Variants in ATP2C2 observed in about 807,000 individuals in gnomAD.
ATP2C2 encodes ATPase secretory pathway Ca2+ transporting 2.
ATP2C2 carries 171 observed loss-of-function variants against 110.8 expected under a neutral mutation model. The ratio of observed to expected loss-of-function variants is 1.54; its 90% CI spans 1.36 to 1.75. ATP2C2 has a LOEUF of 1.75. Ranked by LOEUF, ATP2C2 falls within the 40% of genes most tolerant of loss-of-function variation. ATP2C2 has a pLI of 0.00. For missense variants in ATP2C2, 1,963 were observed against 1,235.0 expected (o/e 1.59, Z -8.84); for synonymous variants, 804 against 508.4 (o/e 1.58, Z -7.82).
intron 6 of ATP2C2, among the ~76,000 whole-genome samples, chr16:84,413,313 C>T (rs1004083703): frequency 3.3e-5 from 5 of 152,104 alleles, no homozygotes; most frequent in South Asian, 4.1e-4. Flanking sequence ...TAGTGAGATA[C>T]GGTCCCGCGT....
rs141008672 is a variant in ATP2C2 at position 84,422,262 on chromosome 16, A to G, written c.625-128A>G. On this transcript the variant is annotated intron_variant, in intron 7 of 26. Transcript: ENST00000262429. ...AGGCCTCAGAGGCCGTCGTTGTGAC[A>G]CTCATTCTGTAGGTTCACTGTGTTC... 9,927 of 1,139,306 alleles carry G rather than the reference A, an allele frequency of 8.7e-3. 54 individuals are homozygous for G. The highest frequency in any genetic ancestry group is 0.011 in the Non-Finnish European group (8,551 of 809,944). 70.6% of individuals were successfully genotyped at this position (1,139,306 alleles called of 1,614,324 possible).
At chr16:84,450,502 G>A (rs1361513512) in intron 17 of ATP2C2, among the ~76,000 whole-genome samples, 1 of 152,136 alleles carries the variant, frequency 6.6e-6, no homozygotes, top group East Asian at 1.9e-4. Context: ...ATCCTCTTGG[G>A]ATAGAGCGCT....
At chr16:84,376,626 G>T (rs1157725656) in intron 1 of ATP2C2, among the ~76,000 whole-genome samples, 1 of 152,038 alleles carries the variant, frequency 6.6e-6, no homozygotes, top group African/African-American at 2.4e-5. Context: ...GTGGCCCAGG[G>T]AAGCCAAAAG....
intron 1 of ATP2C2, among the ~76,000 whole-genome samples, chr16:84,371,581 C>G (rs1909956678): frequency 6.6e-6 from 1 of 152,232 alleles, no homozygotes; most frequent in South Asian, 2.1e-4. Context: ...CACTGCTGAC[C>G]TGAACATTAG....
rs748858994 is a variant in ATP2C2 at position 84,463,681 on chromosome 16, A to C, written c.2790A>C (p.Glu930Asp). ...FILSELLKLC[E>D]KYCCSPKRVQ... ...TGTCAGAGCTCCTCAAACTATGTGA[A>C]AAATACTGTTGCAGCCCCAAGAGAG... is the stretch of plus-strand genomic sequence containing the variant. Residue 930 changes from glutamate to aspartate, a missense_variant, in exon 27 of 27, where the codon GAA (glutamate) becomes GAC (aspartate). By Grantham distance (45) the Glu-to-Asp change is conservative. Transcript: ENST00000262429. 1 of 1,614,176 alleles carries C rather than the reference A, an allele frequency of 6.2e-7. No individual in the cohort carries two copies. Among genetic ancestry groups the C allele is most frequent in the South Asian group, 1.1e-5 (1 of 91,082 alleles).
intron 4 of ATP2C2, among the ~76,000 whole-genome samples, 190 bp downstream of exon 4, chr16:84,408,684 C>T (rs1267119345): frequency 6.6e-6 from 1 of 151,990 alleles, no homozygotes; most frequent in Non-Finnish European, 1.5e-5. Flanking sequence ...TTTATTCGGC[C>T]ACTGCTTGCT....
chr16:84,422,040 G>A (rs1352819613), intron 7 of ATP2C2, among the ~76,000 whole-genome samples: 1 of 152,146 alleles, frequency 6.6e-6, no homozygotes, highest in Admixed American at 6.5e-5. Flanking sequence ...CATACAGATT[G>A]TACAGGCATC....
intron 9 of ATP2C2, among the ~76,000 whole-genome samples, chr16:84,422,960 T>C (rs1907486477): frequency 6.6e-6 from 1 of 152,098 alleles, no homozygotes; most frequent in African/African-American, 2.4e-5. Flanking sequence ...CCACCACACC[T>C]GGCCTCTTTT....
In ATP2C2 at chr16:84,422,392, C is replaced by T. The variant is rs1907418965; in HGVS notation, c.627C>T (p.Val209=). 5 of 1,613,744 alleles carry T rather than the reference C, an allele frequency of 3.1e-6. No individual in the cohort carries two copies. Among genetic ancestry groups the T allele is most frequent in the Non-Finnish European group, 3.4e-6 (4 of 1,179,848 alleles). ...GCCTTTTCCCCTTGCTCTCCTAGGT[C>T]ACGGACCTCTTGGTGGATGAATCCA... ...RIPADIRLTE[V]TDLLVDESSF... Residue 209 remains valine, a splice_region_variant and synonymous_variant, in exon 8 of 27, where the codon GTC becomes GTT. Transcript: ENST00000262429.
At chr16:84,402,904 C>G (rs980595351) in intron 2 of ATP2C2, among the ~76,000 whole-genome samples, 3 of 152,166 alleles carry the variant, frequency 2.0e-5, no homozygotes, top group Non-Finnish European at 2.9e-5. Context: ...AGTGAAGCCA[C>G]TGGGTCCTGG....
chr16:84,436,340 G>C lies in ATP2C2; in HGVS notation c.987-2826G>C, dbSNP rs140583574. 4.9e-3 allele frequency among the ~76,000 whole-genome samples: 743 copies of C among 152,330 alleles called. 8 individuals are homozygous for C. The highest frequency in any genetic ancestry group is 0.017 in the African/African-American group (703 of 41,564). ...TGACTTGGTGGTGGCTCTTTGTTTA[G>C]AGGAGGGCCTGGGCTCTGGGATCGC... On this transcript the variant is annotated intron_variant, in intron 11 of 26. Transcript: ENST00000262429.
chr16:84,434,450 A>G (rs922723486), intron 11 of ATP2C2, among the ~76,000 whole-genome samples: 2 of 151,838 alleles, frequency 1.3e-5, no homozygotes, highest in Non-Finnish European at 2.9e-5. Flanking sequence ...AAAATTCCCT[A>G]TATGTTAAGT....
chr16:84,439,661 C>A, intron 13 of ATP2C2, 137 bp downstream of exon 13: 1 of 816,334 alleles, frequency 1.2e-6, no homozygotes, highest in Non-Finnish European at 2.0e-6. Context: ...TCCTTGCTAA[C>A]ATGACTGATT....
intron 26 of ATP2C2, among the ~76,000 whole-genome samples, 195 bp from the exon 27 acceptor site, chr16:84,463,419 A>C (rs73247856): frequency 0.021 from 3,209 of 152,174 alleles, 113 homozygotes; most frequent in African/African-American, 0.074. Context: ...TTTGCCTGGA[A>C]CCACAGGCAG....
chr16:84,430,373 G>T (rs1908160542), intron 11 of ATP2C2, among the ~76,000 whole-genome samples: 1 of 152,316 alleles, frequency 6.6e-6, no homozygotes, highest in East Asian at 1.9e-4. Context: ...GGGTGCGGTG[G>T]CTCACGTCTG....
intron 6 of ATP2C2, among the ~76,000 whole-genome samples, chr16:84,415,190 C>T (rs1384652414): frequency 6.6e-6 from 1 of 152,164 alleles, no homozygotes; most frequent in African/African-American, 2.4e-5. Flanking sequence ...TTTAGAACTG[C>T]TGACCTTGGC....
intron 11 of ATP2C2, among the ~76,000 whole-genome samples, chr16:84,432,863 G>T (rs1908402864): frequency 6.6e-6 from 1 of 152,116 alleles, no homozygotes; most frequent in Admixed American, 6.5e-5. Flanking sequence ...GCTAACACAG[G>T]TGGTCCAGGG....
chr16:84,377,592 C>T (rs1358488268), intron 1 of ATP2C2, among the ~76,000 whole-genome samples: 1 of 152,070 alleles, frequency 6.6e-6, no homozygotes, highest in East Asian at 1.9e-4. Context: ...CCTCCTTTTA[C>T]TTGGACACCA....
At chr16:84,433,247 G>A (rs1216054039) in intron 11 of ATP2C2, among the ~76,000 whole-genome samples, 2 of 151,976 alleles carry the variant, frequency 1.3e-5, no homozygotes, top group Non-Finnish European at 2.9e-5. Flanking sequence ...GCCAGGTATG[G>A]TGGTGCACGC....
Sources: allele counts gnomAD v4.1 joint callset (sites outside exome capture counted in the v4.1 genomes callset), GRCh38; gene constraint gnomAD v4.1.1; transcripts MANE v1.5; gene names NCBI Gene and HGNC (gene_info 2026-07-23, HGNC 2026-07-21).